Variants in NFASC observed in about 807,000 individuals in gnomAD.
NFASC encodes neurofascin homolog.
NFASC carries 43 observed loss-of-function variants against 147.5 expected under a neutral mutation model. The ratio of observed to expected loss-of-function variants is 0.29; its 90% confidence interval spans 0.23 to 0.38. The LOEUF (loss-of-function observed/expected upper bound fraction) is 0.38. Among genes scored for constraint, NFASC ranks in the 10% least tolerant of loss-of-function variants. The pLI is 1.00. For missense variants in NFASC, 1,320 were observed against 1,689.0 expected, an observed-to-expected ratio of 0.78 and a Z score of 3.83; for synonymous variants, 622 against 665.5, an observed-to-expected ratio of 0.93 and a Z score of 1.01.
At chr1:204,863,934 AAG>A (rs147059643) in intron 1 of NFASC, among the ~76,000 whole-genome samples, 9 of 150,784 alleles carry the variant, frequency 6.0e-5, no homozygotes, top group African/African-American at 1.5e-4. Flanking sequence ...AGGAGGAAGA[AAG>A]AGAGAGAGAA....
chr1:204,977,648 T>C, intron 16 of NFASC, 33 bp from the exon 17 acceptor site: 1 of 1,603,510 alleles, frequency 6.2e-7, no homozygotes. Flanking sequence ...CTGGATAACC[T>C]GCTAACCTGG....
rs1558485665 is a variant in NFASC at position 205,015,174 on chromosome 1, G to A, written c.3492-1134G>A. On this transcript the variant is annotated intron_variant, in intron 29 of 29. Coordinates refer to ENST00000339876, the MANE Select transcript of NFASC (RefSeq NM_001005388.3). The surrounding 1 kb of genome is among the most constrained non-coding windows in gnomAD (Gnocchi z 4.0). ...GCCCACTATAATGGCAACTCAGCTG[G>A]TTGTCTTCCCCACGTCCAGGAAGGA... 6.6e-6 allele frequency among the ~76,000 whole-genome samples: 1 copy of A among 152,210 alleles called. No homozygotes were observed. The highest frequency in any genetic ancestry group is 1.5e-5 in the Non-Finnish European group (1 of 68,036).
chr1:204,974,859 G>C (rs1314764503), intron 14 of NFASC, 36 bp downstream of exon 14: 3 of 1,592,336 alleles, frequency 1.9e-6, no homozygotes, highest in South Asian at 1.1e-5. Flanking sequence ...AGTTTGGAGA[G>C]GGACAAGGAG....
chr1:204,853,354 G>A (rs1159399811), intron 1 of NFASC, among the ~76,000 whole-genome samples: 3 of 152,134 alleles, frequency 2.0e-5, no homozygotes, highest in Non-Finnish European at 2.9e-5. Flanking sequence ...TCATATTTTT[G>A]TATGTTAATC....
intron 1 of NFASC, among the ~76,000 whole-genome samples, chr1:204,889,389 G>A (rs1482024304): frequency 1.3e-5 from 2 of 152,192 alleles, no homozygotes; most frequent in East Asian, 3.8e-4. Flanking sequence ...GAAGCAGCAT[G>A]ATGCCTATTA....
intron 1 of NFASC, among the ~76,000 whole-genome samples, chr1:204,903,205 C>A (rs2085049673): frequency 6.6e-6 from 1 of 152,158 alleles, no homozygotes. Flanking sequence ...ATGAGCAAGA[C>A]AAAAGGAGGG....
intron 24 of NFASC, chr1:204,993,822 G>T: frequency 1.9e-6 from 1 of 515,540 alleles, no homozygotes; most frequent in East Asian, 5.5e-5. Flanking sequence ...TCTCAGCTTC[G>T]TTGCTCTTCT....
At chr1:204,880,848 C>CT (rs2080058341) in intron 1 of NFASC, among the ~76,000 whole-genome samples, 1 of 152,184 alleles carries the variant, frequency 6.6e-6, no homozygotes, top group Non-Finnish European at 1.5e-5. Context: ...AAAGTCCTGT[C>CT]TTTGAATGGA....
At chr1:204,906,897 A>G (rs948861017) in intron 1 of NFASC, among the ~76,000 whole-genome samples, 1 of 152,024 alleles carries the variant, frequency 6.6e-6, no homozygotes, top group African/African-American at 2.4e-5. Flanking sequence ...GTTAGCCAGG[A>G]TGGTCTGCAT....
chr1:204,959,263 G>T (rs1328752865), intron 8 of NFASC, among the ~76,000 whole-genome samples: 1 of 152,188 alleles, frequency 6.6e-6, no homozygotes, highest in Non-Finnish European at 1.5e-5. Flanking sequence ...GCTGCCAAAG[G>T]TGGTAGCCGG....
At position 204,856,382 on chromosome 1, in the gene NFASC, G is replaced by GGTGTGTGTGTGTGTGT. The variant is rs57653534; in HGVS notation, c.-200+27622_-200+27637dup. On this transcript the variant is annotated intron_variant, in intron 1 of 29. Coordinates refer to ENST00000339876, the MANE Select transcript of NFASC (RefSeq NM_001005388.3). ...AAGTGCCAAGGAGAGATGCAGAACA[G>GGTGTGTGTGTGTGTGT]GTGTGTGTGTGTGTGTGTGTGTGTG... Among the ~76,000 whole-genome samples the GGTGTGTGTGTGTGTGT allele has an allele frequency of 4.1e-3, 568 of 139,744 alleles. 3 individuals are homozygous for GGTGTGTGTGTGTGTGT. Among genetic ancestry groups the GGTGTGTGTGTGTGTGT allele is most frequent in the African/African-American group, 0.012 (458 of 37,366 alleles). 91.7% of individuals were successfully genotyped at this position (139,744 alleles called of 152,430 possible). A position where few individuals can be genotyped will look rare whatever the true frequency, so the allele number is the denominator to read the frequency against.
intron 11 of NFASC, among the ~76,000 whole-genome samples, chr1:204,972,857 CAGGTTATCTTCACAAAAACCCCATG>C (rs1218688867): frequency 2.0e-5 from 3 of 152,190 alleles, no homozygotes; most frequent in Non-Finnish European, 1.5e-5. Flanking sequence ...CATAAAATCT[CAGGTTATCTTCACAAAAACCCCATG>C]AGGTGATCTG....
rs1371351483 is a variant in NFASC at position 204,975,871 on chromosome 1, G to A, written c.1706+453G>A. Among the ~76,000 whole-genome samples the A allele has an allele frequency of 6.6e-6, 1 of 152,162 alleles. No homozygotes were observed. The highest frequency in any genetic ancestry group is 1.5e-5 in the Non-Finnish European group (1 of 68,032). The stretch of plus-strand genomic sequence containing the variant: ...TCTCAGCCCTGACTGAACCTGGCAT[G>A]CTTTTACCACACCCACGCCTGCCCC... On this transcript the variant is annotated intron_variant, in intron 15 of 29. Coordinates refer to ENST00000339876, the MANE Select transcript of NFASC (RefSeq NM_001005388.3). The surrounding 1 kb of genome is among the most constrained non-coding windows in gnomAD (Gnocchi z 4.0).
At chr1:204,997,076 T>C (rs893144900) in intron 24 of NFASC, 94 bp from the exon 25 acceptor site, 27 of 1,541,844 alleles carry the variant, frequency 1.8e-5, no homozygotes, top group Non-Finnish European at 2.4e-5. Context: ...CCCCGTCTCC[T>C]CACCGGGCTG....
At chr1:204,869,865 T>A (rs73077687) in intron 1 of NFASC, among the ~76,000 whole-genome samples, 188 of 152,374 alleles carry the variant, frequency 1.2e-3, no homozygotes, top group African/African-American at 4.4e-3. Context: ...TCTAACTTTT[T>A]CTTATCATTA....
chr1:204,861,490 T>C (rs558274123), intron 1 of NFASC, among the ~76,000 whole-genome samples: 2 of 152,044 alleles, frequency 1.3e-5, no homozygotes, highest in Non-Finnish European at 2.9e-5. Flanking sequence ...GCCAGACTCA[T>C]CTCACTTCTT....
At chr1:204,856,179 G>A (rs1444479566) in intron 1 of NFASC, among the ~76,000 whole-genome samples, 1 of 151,972 alleles carries the variant, frequency 6.6e-6, no homozygotes, top group African/African-American at 2.4e-5. Flanking sequence ...AGTCCAATTG[G>A]AAGAACAGGC....
At chr1:204,976,905 G>A (rs534973266) in intron 16 of NFASC, 110 bp downstream of exon 16, 61 of 1,501,500 alleles carry the variant, frequency 4.1e-5, no homozygotes, top group Admixed American at 2.2e-4. Flanking sequence ...TCAAGTGGCC[G>A]GGTCAGGCGT....
At chr1:204,845,916 C>G (rs902010255) in intron 1 of NFASC, among the ~76,000 whole-genome samples, 1 of 152,018 alleles carries the variant, frequency 6.6e-6, no homozygotes, top group Non-Finnish European at 1.5e-5. Context: ...TCCCAATAAG[C>G]TCATGAGGTT....
Sources: allele counts gnomAD v4.1 joint callset (sites outside exome capture counted in the v4.1 genomes callset), GRCh38; gene constraint gnomAD v4.1.1; non-coding constraint Gnocchi (gnomAD v3.1); transcripts MANE v1.5; gene names NCBI Gene and HGNC (gene_info 2026-07-23, HGNC 2026-07-21).